The following PRKN variants were observed in gnomAD, a reference collection of about 807,000 sequenced individuals.
PRKN encodes the protein E3 ubiquitin-protein ligase parkin.
In PRKN, 56 loss-of-function variants were observed where a neutral mutation model predicts 59.5. The ratio of observed to expected loss-of-function variants is 0.94; its 90% CI spans 0.76 to 1.18. The LOEUF (loss-of-function observed/expected upper bound fraction) is 1.18, where lower values mean the gene tolerates loss of function less well. Ranked by LOEUF, PRKN falls within the 50% of genes most tolerant of loss-of-function variation. The probability of loss-of-function intolerance (pLI) is 0.00; values close to 1 mark genes in which losing one functional copy is unlikely to be tolerated. For synonymous variants in PRKN, 250 were observed against 222.1 expected (o/e 1.13, Z -1.12); for missense variants, 657 against 596.4 (o/e 1.10, Z -1.06).
chr6:162,661,152 T>G (rs1778859223), intron 1 of PRKN, among the ~76,000 whole-genome samples: 1 of 151,906 alleles, frequency 6.6e-6, no homozygotes, highest in Non-Finnish European at 1.5e-5. Flanking sequence ...TCCCAGCTAC[T>G]CAGGAGGCTG....
chr6:162,167,497 G>A (rs1487389956), intron 4 of PRKN, among the ~76,000 whole-genome samples: 1 of 152,144 alleles, frequency 6.6e-6, no homozygotes, highest in Non-Finnish European at 1.5e-5. Flanking sequence ...AATTGTAACA[G>A]AAGGAAAATG....
intron 2 of PRKN, among the ~76,000 whole-genome samples, chr6:162,388,121 G>C (rs1017175024): frequency 1.3e-5 from 2 of 152,304 alleles, no homozygotes; most frequent in South Asian, 2.1e-4. Context: ...TGCAATTCTT[G>C]AGTTAATTAT....
chr6:161,412,054 C>A (rs1787585277), intron 9 of PRKN, among the ~76,000 whole-genome samples: 1 of 148,284 alleles, frequency 6.7e-6, no homozygotes, highest in African/African-American at 2.5e-5. Context: ...CTCATTCCTT[C>A]CTCATTCATT....
chr6:162,076,777 T>C (rs1778847950), intron 4 of PRKN, among the ~76,000 whole-genome samples: 1 of 152,168 alleles, frequency 6.6e-6, no homozygotes, highest in African/African-American at 2.4e-5. Context: ...AACCAACTTT[T>C]CTTAAAATTT....
chr6:162,440,341 C>A (rs752004024), intron 2 of PRKN, among the ~76,000 whole-genome samples: 2 of 152,068 alleles, frequency 1.3e-5, no homozygotes, highest in South Asian at 4.1e-4. Flanking sequence ...TAGACAAACT[C>A]GCTTTTTAAA....
Position 161,503,156 on chromosome 6 carries a change from T to C in PRKN, c.1083+45698A>G, listed in dbSNP as rs948658572. 1.3e-5 allele frequency among the ~76,000 whole-genome samples: 2 copies of C among 152,114 alleles called. No individual in the cohort carries two copies. Among genetic ancestry groups the C allele is most frequent in the Non-Finnish European group, 2.9e-5 (2 of 68,016 alleles). On this transcript the variant is annotated intron_variant, in intron 9 of 11. Transcript: ENST00000366898. This position sits in a 1 kb window ranked among gnomAD's most constrained non-coding sequence, Gnocchi z 5.1. ...ATTATAAAGGCAAACTGATCTCCCA[T>C]GTAGAGGGAGGAGATGGGATCTGGA...
At chr6:161,907,711 T>A (rs1437803287) in intron 6 of PRKN, among the ~76,000 whole-genome samples, 2 of 152,180 alleles carry the variant, frequency 1.3e-5, no homozygotes, top group African/African-American at 4.8e-5. Flanking sequence ...GGACTGTATT[T>A]GCTGAGATCG....
chr6:162,695,215 A>G (rs769812843), intron 1 of PRKN: 1 of 152,206 alleles, frequency 6.6e-6, no homozygotes, highest in Non-Finnish European at 1.5e-5. Flanking sequence ...TTTAACAAGG[A>G]CAAAAACATA....
At chr6:161,908,857 G>A (rs1242729404) in intron 6 of PRKN, among the ~76,000 whole-genome samples, 2 of 152,296 alleles carry the variant, frequency 1.3e-5, no homozygotes, top group East Asian at 1.9e-4. Flanking sequence ...GTAACTCACT[G>A]TAATAAACTC....
chr6:161,509,207 T>C (rs1335029951), intron 9 of PRKN, among the ~76,000 whole-genome samples: 1 of 152,140 alleles, frequency 6.6e-6, no homozygotes, highest in Non-Finnish European at 1.5e-5. Flanking sequence ...TTTCTTTTTT[T>C]TTTTTTTAAA....
chr6:161,617,068 T>C (rs990855576), intron 7 of PRKN, among the ~76,000 whole-genome samples: 1 of 152,150 alleles, frequency 6.6e-6, no homozygotes, highest in Non-Finnish European at 1.5e-5. Context: ...CTCTCCAGCA[T>C]CTGTTGTTTC....
At chr6:161,799,062 A>T (rs1790972525) in intron 6 of PRKN, among the ~76,000 whole-genome samples, 1 of 152,236 alleles carries the variant, frequency 6.6e-6, no homozygotes, top group Non-Finnish European at 1.5e-5. Context: ...ATTGGAAGCC[A>T]GCCATTTTAC....
intron 1 of PRKN, among the ~76,000 whole-genome samples, chr6:162,669,222 A>G (rs1410679435): frequency 6.6e-6 from 1 of 150,494 alleles, no homozygotes; most frequent in Admixed American, 6.7e-5. Flanking sequence ...AAGCATGAGG[A>G]CATCTTTTTT....
At chr6:162,444,677 G>A (rs1183110029) in intron 1 of PRKN, among the ~76,000 whole-genome samples, 1 of 152,084 alleles carries the variant, frequency 6.6e-6, no homozygotes, top group Non-Finnish European at 1.5e-5. Context: ...GGCACCAGTG[G>A]CATTTACTAT....
At chr6:161,634,962 C>T (rs535252864) in intron 7 of PRKN, among the ~76,000 whole-genome samples, 37 of 152,300 alleles carry the variant, frequency 2.4e-4, no homozygotes, top group African/African-American at 8.9e-4. Flanking sequence ...CCTGTTCTCA[C>T]CCCAAAGAAC....
chr6:161,646,187 G>A (rs9458324), intron 7 of PRKN, among the ~76,000 whole-genome samples: 835 of 45,056 alleles, frequency 0.019, 54 homozygotes, highest in African/African-American at 0.11. Context: ...CTGCGTGTGC[G>A]TGCGTGGTGG....
intron 7 of PRKN, among the ~76,000 whole-genome samples, chr6:161,770,343 T>C (rs1457516949): frequency 6.6e-6 from 1 of 152,090 alleles, no homozygotes; most frequent in Non-Finnish European, 1.5e-5. Context: ...TAAAAACTAT[T>C]TCAGAATTGA....
At chr6:161,569,465 G>C in intron 7 of PRKN, 49 bp from the exon 8 acceptor site, 1 of 1,480,998 alleles carries the variant, frequency 6.8e-7, no homozygotes, top group African/African-American at 1.4e-5. Context: ...CACTCTGTGT[G>C]GTTATATGTT....
chr6:162,283,140 CTA>C (rs1328845066), intron 2 of PRKN, among the ~76,000 whole-genome samples: 4 of 151,942 alleles, frequency 2.6e-5, no homozygotes, highest in Non-Finnish European at 5.9e-5. Flanking sequence ...TCTTTCTGAC[CTA>C]TGTTTTACCC....
Sources: allele counts gnomAD v4.1 joint callset (sites outside exome capture counted in the v4.1 genomes callset), GRCh38; gene constraint gnomAD v4.1.1; non-coding constraint Gnocchi (gnomAD v3.1); transcripts MANE v1.5; gene names NCBI Gene and HGNC (gene_info 2026-07-23, HGNC 2026-07-21).